GABRB3: variants seen among roughly 807,000 people sequenced by gnomAD.
The protein encoded by GABRB3 is gamma-aminobutyric acid receptor subunit beta-3.
In GABRB3, 14 loss-of-function variants were observed where a neutral mutation model predicts 52.1. The ratio of observed to expected loss-of-function variants is 0.27; its 90% confidence interval spans 0.18 to 0.42. GABRB3 has a LOEUF of 0.42. Ranked by LOEUF, GABRB3 falls within the 10% of genes least tolerant of loss-of-function variation. The pLI, the probability that GABRB3 is intolerant of heterozygous loss-of-function variation, is 1.00. For synonymous variants in GABRB3, 260 were observed against 232.3 expected, an observed-to-expected ratio of 1.12 and a Z score of -1.08; for missense variants, 307 against 609.1, an observed-to-expected ratio of 0.50 and a Z score of 5.22.
intron 3 of GABRB3, among the ~76,000 whole-genome samples, chr15:26,696,774 C>A (rs993103703): frequency 1.3e-5 from 2 of 152,168 alleles, no homozygotes; most frequent in African/African-American, 4.8e-5. Flanking sequence ...ACCCACAGTA[C>A]AATCGAGAGT....
intron 7 of GABRB3, among the ~76,000 whole-genome samples, chr15:26,566,094 G>C (rs1423866387): frequency 6.6e-6 from 1 of 152,154 alleles, no homozygotes; most frequent in Non-Finnish European, 1.5e-5. Context: ...CATTACTGGG[G>C]AAGATCTGCA....
chr15:26,635,015 A>C (rs1469895337), intron 3 of GABRB3, among the ~76,000 whole-genome samples: 2 of 128,354 alleles, frequency 1.6e-5, no homozygotes, highest in Admixed American at 1.6e-4. Flanking sequence ...TATATAATAT[A>C]TATATATTTA....
chr15:26,625,511 CAG>C (rs1403371337), intron 3 of GABRB3: 1 of 984,834 alleles, frequency 1.0e-6, no homozygotes, highest in Non-Finnish European at 1.2e-6. Context: ...GAGAGTCTGT[CAG>C]AGTTTTGAAT....
chr15:26,729,058 T>A (rs1210857102), intron 3 of GABRB3, among the ~76,000 whole-genome samples: 1 of 152,166 alleles, frequency 6.6e-6, no homozygotes, highest in Non-Finnish European at 1.5e-5. Context: ...AGAAAGATAC[T>A]TCACCTGTTT....
At chr15:26,693,767 T>C (rs1486624484) in intron 3 of GABRB3, among the ~76,000 whole-genome samples, 1 of 151,744 alleles carries the variant, frequency 6.6e-6, no homozygotes, top group African/African-American at 2.4e-5. Flanking sequence ...CCAGCAACTG[T>C]TGGGAAAACA....
intron 3 of GABRB3, among the ~76,000 whole-genome samples, chr15:26,769,551 C>G (rs1377165606): frequency 6.6e-6 from 1 of 152,190 alleles, no homozygotes; most frequent in Non-Finnish European, 1.5e-5. Context: ...GCTTTTCCAA[C>G]TTCGTCTCTG....
At chr15:26,765,078 C>T (rs1351346125) in intron 3 of GABRB3, among the ~76,000 whole-genome samples, 1 of 135,452 alleles carries the variant, frequency 7.4e-6, no homozygotes, top group East Asian at 2.4e-4. Flanking sequence ...TGCAGTGAGC[C>T]GACATCACGC....
At chr15:26,625,073 C>T (rs1892639391) in intron 3 of GABRB3, 1 of 539,224 alleles carries the variant, frequency 1.9e-6, no homozygotes, top group South Asian at 8.0e-5. Context: ...CATCCACTCC[C>T]TCCACTCCCT....
intron 3 of GABRB3, among the ~76,000 whole-genome samples, chr15:26,736,627 G>C (rs1042687221): frequency 6.6e-6 from 1 of 152,254 alleles, no homozygotes; most frequent in African/African-American, 2.4e-5. Context: ...CCGCAGGAGA[G>C]GCCAGCATTC....
At chr15:26,695,889 AC>A (rs1184452969) in intron 3 of GABRB3, among the ~76,000 whole-genome samples, 4 of 152,164 alleles carry the variant, frequency 2.6e-5, no homozygotes, top group African/African-American at 9.7e-5. Context: ...ATCCAAGGAA[AC>A]TGTATCTTCA....
intron 3 of GABRB3, among the ~76,000 whole-genome samples, chr15:26,639,714 A>G (rs952605419): frequency 6.6e-6 from 1 of 152,250 alleles, no homozygotes; most frequent in Admixed American, 6.5e-5. Flanking sequence ...GTATTCATAT[A>G]GAAATCCCTT....
At chr15:26,566,578 T>C (rs1410141025) in intron 7 of GABRB3, among the ~76,000 whole-genome samples, 1 of 151,948 alleles carries the variant, frequency 6.6e-6, no homozygotes, top group Non-Finnish European at 1.5e-5. Flanking sequence ...ATTAAAAAAT[T>C]AGCCAAGTGT....
upstream of GABRB3, chr15:26,773,754 G>C: frequency 6.5e-7 from 1 of 1,544,788 alleles, no homozygotes; most frequent in Non-Finnish European, 8.8e-7. Context: ...AACCTGCTGG[G>C]ATCCGCTCTC....
Position 26,546,128 on chromosome 15 carries a change from A to C in GABRB3, c.*1665T>G, listed in dbSNP as rs898359650. 6.6e-6 allele frequency: 1 copy of C among 152,558 alleles called. No homozygotes were observed. The highest frequency in any genetic ancestry group is 2.4e-5 in the African/African-American group (1 of 41,432). The allele number at this position is 152,558 out of a possible 1,614,324, so 9.5% of individuals were successfully genotyped here. ...GGTTTTGGATAGAACAGAGAGGGTG[A>C]GGCATACGTGGCATTTTGGGATAAA... On this transcript the variant is annotated 3_prime_UTR_variant, in exon 9 of 9. Transcript: ENST00000311550.
intron 6 of GABRB3, among the ~76,000 whole-genome samples, chr15:26,568,887 T>C (rs191347717): frequency 2.3e-3 from 354 of 152,182 alleles, no homozygotes; most frequent in Non-Finnish European, 4.1e-3. Flanking sequence ...ACTTTCTCAG[T>C]TCCAATCCTA....
intron 3 of GABRB3, among the ~76,000 whole-genome samples, chr15:26,648,179 T>A (rs1429540500): frequency 6.6e-6 from 1 of 151,968 alleles, no homozygotes; most frequent in African/African-American, 2.4e-5. Flanking sequence ...CCACCTCCAT[T>A]CTCCTTTCTG....
In GABRB3 at chr15:26,580,276, A is replaced by G. The variant is rs1339935471; in HGVS notation, c.682+43T>C. 8 of 1,613,288 alleles carry G rather than the reference A, an allele frequency of 5.0e-6. No individual in the cohort carries two copies. In the South Asian group the frequency reaches 8.8e-5, roughly 18 times the overall value. ...TTTGTCACTCCAGTCACGCCCATGG[A>G]GCCAGTGCCCCTGAAGGGACTATAA... On this transcript the variant is annotated intron_variant, in intron 6 of 8. Transcript: ENST00000311550.
chr15:26,772,285 C>A (rs938882313), intron 3 of GABRB3, 117 bp downstream of exon 3: 12 of 890,480 alleles, frequency 1.3e-5, no homozygotes, highest in Admixed American at 4.8e-5. Flanking sequence ...GCTCCCTCTG[C>A]GGACCGGGGA....
intron 3 of GABRB3, among the ~76,000 whole-genome samples, chr15:26,735,665 C>T (rs1323951845): frequency 6.6e-6 from 1 of 152,162 alleles, no homozygotes. Flanking sequence ...AGAAGCCAGT[C>T]ATGCTAGGCC....
Sources: allele counts gnomAD v4.1 joint callset (sites outside exome capture counted in the v4.1 genomes callset), GRCh38; gene constraint gnomAD v4.1.1; transcripts MANE v1.5; gene names NCBI Gene and HGNC (gene_info 2026-07-23, HGNC 2026-07-21).